LRRC20: variants seen among roughly 807,000 people sequenced by gnomAD.
LRRC20 encodes the protein leucine rich repeat containing 20, also known as leucine-rich repeat-containing protein 20.
A neutral mutation model predicts 14.4 loss-of-function variants in LRRC20; 11 were observed. That is an observed-to-expected ratio of 0.77 (90% CI 0.48 to 1.27). The LOEUF (loss-of-function observed/expected upper bound fraction) is 1.27, where lower values mean the gene tolerates loss of function less well. Among genes scored for constraint, LRRC20 ranks in the 50% most tolerant of loss-of-function variants. The pLI, the probability that LRRC20 is intolerant of heterozygous loss-of-function variation, is 0.00. For synonymous variants in LRRC20, 121 were observed against 107.3 expected (o/e 1.13, Z -0.79); for missense variants, 219 against 251.2 (o/e 0.87, Z 0.87).
rs1842203902 is a variant in LRRC20, at chr10:70,323,949, G to A, written c.314C>T (p.Ser105Phe). 1.9e-6 allele frequency: 3 copies of A among 1,614,224 alleles called. No homozygotes were observed. Among genetic ancestry groups the A allele is most frequent in the Non-Finnish European group, 2.5e-6 (3 of 1,180,038 alleles). Residue 105 changes from serine (S) to phenylalanine (F), a missense_variant, in exon 4 of 5, where the codon TCC becomes TTC. Physicochemically the swap from Ser to Phe is radical, Grantham distance 155. Transcript: ENST00000446961. ...AGGGAAGTCCTGGAACTGGTTCCGG[G>A]ACAGGTCAATGGCCTTGAGGTGCTG... ...ALQHLKAIDL[S>F]RNQFQDFPEQ...
rs1418262800 is a variant in LRRC20, at chr10:70,340,473, G to T, written c.232+80C>A. On this transcript the variant is annotated intron_variant, in intron 3 of 4. Coordinates refer to ENST00000446961, the MANE Select transcript of LRRC20 (RefSeq NM_001278212.2). ...TGTCGCTGACCAGGGACCAGCTCTG[G>T]TGGCACTCCCCAGACAGGGTCAGAG... 2.6e-6 allele frequency: 4 copies of T among 1,548,848 alleles called. No individual in the cohort carries two copies. In the African/African-American group the frequency reaches 5.4e-5, roughly 21 times the overall value.
chr10:70,371,122 C>T (rs1383611476), intron 2 of LRRC20, among the ~76,000 whole-genome samples: 1 of 151,778 alleles, frequency 6.6e-6, no homozygotes, highest in Non-Finnish European at 1.5e-5. Context: ...TTTATTGGAT[C>T]TGAAGAGAAA....
chr10:70,313,549 GCCT>G (rs2136906318), intron 4 of LRRC20, among the ~76,000 whole-genome samples: 1 of 152,282 alleles, frequency 6.6e-6, no homozygotes, highest in East Asian at 1.9e-4. Flanking sequence ...CTTGCTTCTA[GCCT>G]CACAAGCTGT....
intron 4 of LRRC20, among the ~76,000 whole-genome samples, chr10:70,305,128 G>A (rs1228576470): frequency 6.6e-6 from 1 of 150,870 alleles, no homozygotes; most frequent in Admixed American, 6.6e-5. Flanking sequence ...AGGTTGCAGT[G>A]AGCCGAGATC....
At chr10:70,356,045 A>C (rs767580483) in intron 2 of LRRC20, among the ~76,000 whole-genome samples, 7 of 152,268 alleles carry the variant, frequency 4.6e-5, no homozygotes, top group Non-Finnish European at 1.0e-4. Flanking sequence ...TATCATACTC[A>C]GTCAGAATAA....
chr10:70,328,893 G>A (rs1842427532), intron 3 of LRRC20, among the ~76,000 whole-genome samples: 1 of 152,210 alleles, frequency 6.6e-6, no homozygotes, highest in Non-Finnish European at 1.5e-5. Flanking sequence ...ACTCCAGCCT[G>A]GGCAACAGAG....
intron 2 of LRRC20, among the ~76,000 whole-genome samples, chr10:70,365,644 T>C (rs1190550967): frequency 2.0e-5 from 3 of 152,136 alleles, no homozygotes; most frequent in African/African-American, 4.8e-5. Context: ...TGTGCAATGA[T>C]TGTGCCTGTG....
chr10:70,303,366 C>T (rs1841289486), intron 4 of LRRC20, among the ~76,000 whole-genome samples: 1 of 152,118 alleles, frequency 6.6e-6, no homozygotes, highest in Non-Finnish European at 1.5e-5. Flanking sequence ...TTGAATTTAT[C>T]AGGACTCCTG....
chr10:70,301,033 C>G lies in LRRC20; in HGVS notation c.*321G>C. On this transcript the variant is annotated 3_prime_UTR_variant, in exon 5 of 5. Coordinates refer to ENST00000446961, the MANE Select transcript of LRRC20 (RefSeq NM_001278212.2). The stretch of plus-strand genomic sequence containing the variant: ...GAGGCACGTACTGCTTAAAAACCTC[C>G]AGGGAGCCCAAAGGAGGGAAAGGGT... 9.0e-7 allele frequency: 1 copy of G among 1,112,694 alleles called. No individual in the cohort carries two copies. Among genetic ancestry groups the G allele is most frequent in the Non-Finnish European group, 1.1e-6 (1 of 911,788 alleles). 68.9% of individuals were successfully genotyped at this position (1,112,694 alleles called of 1,614,324 possible).
intron 2 of LRRC20, among the ~76,000 whole-genome samples, chr10:70,370,684 A>G (rs1273189015): frequency 6.6e-6 from 1 of 152,132 alleles, no homozygotes; most frequent in African/African-American, 2.4e-5. Flanking sequence ...TGGAGGTTAC[A>G]GTGAGCCGAG....
At chr10:70,315,788 A>T (rs937424514) in intron 4 of LRRC20, among the ~76,000 whole-genome samples, 2 of 151,880 alleles carry the variant, frequency 1.3e-5, no homozygotes, top group East Asian at 1.9e-4. Context: ...ACTGTTAAAA[A>T]CTCTAATTCC....
chr10:70,307,889 C>T (rs150336875), intron 4 of LRRC20, among the ~76,000 whole-genome samples: 25 of 152,368 alleles, frequency 1.6e-4, no homozygotes, highest in Middle Eastern at 3.4e-3. Flanking sequence ...GCACAGTGCT[C>T]CAGCAACATG....
intron 3 of LRRC20, among the ~76,000 whole-genome samples, chr10:70,336,131 G>A (rs929359726): frequency 6.6e-6 from 1 of 152,184 alleles, no homozygotes; most frequent in Non-Finnish European, 1.5e-5. Context: ...ACATGATACA[G>A]GGAGAATGCT....
intron 2 of LRRC20, among the ~76,000 whole-genome samples, chr10:70,376,080 A>G (rs1377222120): frequency 6.6e-6 from 1 of 152,190 alleles, no homozygotes; most frequent in Non-Finnish European, 1.5e-5. Flanking sequence ...CATTCACCCC[A>G]GGGAGCCTGT....
intron 2 of LRRC20, among the ~76,000 whole-genome samples, chr10:70,351,447 T>C (rs1190996928): frequency 2.6e-5 from 4 of 152,152 alleles, no homozygotes; most frequent in Admixed American, 6.6e-5. Context: ...CCTCCTTCCA[T>C]AGAATGAGTT....
intron 2 of LRRC20, among the ~76,000 whole-genome samples, chr10:70,354,836 G>A (rs574033853): frequency 6.6e-6 from 1 of 152,234 alleles, no homozygotes; most frequent in African/African-American, 2.4e-5. Flanking sequence ...GTACTCAGAG[G>A]CACACGTGAC....
At chr10:70,376,012 C>G (rs1229103292) in intron 2 of LRRC20, among the ~76,000 whole-genome samples, 2 of 152,164 alleles carry the variant, frequency 1.3e-5, no homozygotes, top group Non-Finnish European at 2.9e-5. Context: ...CAAAGAAACC[C>G]ATTTTGCCGT....
intron 2 of LRRC20, among the ~76,000 whole-genome samples, chr10:70,363,461 A>G (rs1364187631): frequency 4.6e-5 from 7 of 152,148 alleles, no homozygotes; most frequent in Non-Finnish European, 2.9e-5. Flanking sequence ...CAGTGCCTTG[A>G]TCTTGGACTT....
chr10:70,382,013 C>T (rs1483841292), intron 1 of LRRC20: 1 of 152,226 alleles, frequency 6.6e-6, no homozygotes, highest in East Asian at 1.9e-4. Context: ...CGTCCGCTGG[C>T]CCGGCAGGCG....
Sources: allele counts gnomAD v4.1 joint callset (sites outside exome capture counted in the v4.1 genomes callset), GRCh38; gene constraint gnomAD v4.1.1; transcripts MANE v1.5; gene names NCBI Gene and HGNC (gene_info 2026-07-23, HGNC 2026-07-21).